The following LDLRAD4 variants were observed in gnomAD, a reference collection of about 807,000 sequenced individuals.
LDLRAD4 encodes the protein low-density lipoprotein receptor class A domain-containing protein 4.
A neutral mutation model predicts 17.0 loss-of-function variants in LDLRAD4; 5 were observed. The ratio of observed to expected loss-of-function variants is 0.29; its 90% CI spans 0.15 to 0.62. LDLRAD4 has a LOEUF of 0.62. Among genes scored for constraint, LDLRAD4 ranks in the 20% least tolerant of loss-of-function variants. LDLRAD4 has a pLI of 0.84. For missense variants in LDLRAD4, 340 were observed against 424.7 expected (o/e 0.80, Z 1.75); for synonymous variants, 168 against 171.8 (o/e 0.98, Z 0.17).
In LDLRAD4 at chr18:13,367,469, G is replaced by C. The variant is rs146119081; in HGVS notation, c.-382-19872G>C. Among the ~76,000 whole-genome samples the C allele has an allele frequency of 9.5e-3, 1,445 of 152,294 alleles. 14 individuals are homozygous for C. Among genetic ancestry groups the C allele is most frequent in the Non-Finnish European group, 0.016 (1,086 of 68,034 alleles). On this transcript the variant is annotated intron_variant, in intron 1 of 5. Coordinates refer to ENST00000359446, the Ensembl canonical transcript of LDLRAD4. The surrounding 1 kb of genome is among the most constrained non-coding windows in gnomAD (Gnocchi z 4.1). ...GAAAAGAGCCTGGCAGGTTTTGGAGGTGCACTGTATGCTCAGGAAGGATTC... is the reference window on the plus strand; with the variant it reads ...GAAAAGAGCCTGGCAGGTTTTGGAGCTGCACTGTATGCTCAGGAAGGATTC...
intron 3 of LDLRAD4, among the ~76,000 whole-genome samples, chr18:13,468,552 T>C (rs574197951): frequency 5.9e-5 from 9 of 152,212 alleles, no homozygotes; most frequent in Admixed American, 3.3e-4. Flanking sequence ...CATGCACATG[T>C]ATGTTTATTG....
intron 3 of LDLRAD4, among the ~76,000 whole-genome samples, chr18:13,497,424 C>T (rs1348898285): frequency 1.3e-5 from 2 of 152,100 alleles, no homozygotes; most frequent in African/African-American, 4.8e-5. Flanking sequence ...AGTGATCCTC[C>T]TGCCTCGGCC....
chr18:13,329,799 A>G (rs1373219974), intron 1 of LDLRAD4, among the ~76,000 whole-genome samples: 2 of 152,082 alleles, frequency 1.3e-5, no homozygotes, highest in Non-Finnish European at 2.9e-5. Context: ...TGCCTTTACC[A>G]TACACTGAAT....
chr18:13,230,666 G>A (rs2042025812), intron 1 of LDLRAD4, among the ~76,000 whole-genome samples: 1 of 152,140 alleles, frequency 6.6e-6, no homozygotes. Flanking sequence ...CTGCAGGTGG[G>A]GGAAGAGGTG....
At chr18:13,313,277 G>GA (rs1443228376) in intron 1 of LDLRAD4, among the ~76,000 whole-genome samples, 1 of 152,178 alleles carries the variant, frequency 6.6e-6, no homozygotes, top group Non-Finnish European at 1.5e-5. Context: ...GACCTGCTTG[G>GA]ATTAGGACGC....
chr18:13,623,246 C>A (rs1421383404), intron 4 of LDLRAD4, among the ~76,000 whole-genome samples: 1 of 152,264 alleles, frequency 6.6e-6, no homozygotes, highest in Non-Finnish European at 1.5e-5. Flanking sequence ...TCCCTGAAAT[C>A]AGGAAGGTGA....
chr18:13,452,838 T>A (rs769909704), intron 3 of LDLRAD4, among the ~76,000 whole-genome samples: 16 of 152,064 alleles, frequency 1.1e-4, no homozygotes, highest in Non-Finnish European at 1.6e-4. Flanking sequence ...CTCCTTAGGA[T>A]TAAGGAGGTC....
intron 1 of LDLRAD4, among the ~76,000 whole-genome samples, chr18:13,353,590 G>T (rs1177407195): frequency 1.3e-5 from 2 of 152,150 alleles, no homozygotes; most frequent in African/African-American, 4.8e-5. Flanking sequence ...AGCCTGAGAG[G>T]CAAGCTGTGG....
chr18:13,620,179 C>T (rs539050690), intron 3 of LDLRAD4, among the ~76,000 whole-genome samples: 29 of 152,168 alleles, frequency 1.9e-4, no homozygotes, highest in Admixed American at 6.5e-5. Flanking sequence ...AGATATGCCT[C>T]CCCACTGGCC....
At chr18:13,546,027 C>A (rs1363050079) in intron 3 of LDLRAD4, among the ~76,000 whole-genome samples, 1 of 152,208 alleles carries the variant, frequency 6.6e-6, no homozygotes. Context: ...TACCTTCCCC[C>A]TCTGGACCTA....
At chr18:13,473,678 T>TATATATATA (rs374731826) in intron 3 of LDLRAD4, among the ~76,000 whole-genome samples, 3 of 79,986 alleles carry the variant, frequency 3.8e-5, no homozygotes, top group African/African-American at 5.3e-5. Context: ...TATATATATA[T>TATATATATA]AACGTTTACA....
intron 3 of LDLRAD4, among the ~76,000 whole-genome samples, chr18:13,547,661 G>T (rs753561457): frequency 4.0e-4 from 61 of 152,228 alleles, no homozygotes; most frequent in Non-Finnish European, 7.5e-4. Context: ...GCTCCTTGCT[G>T]TGGCTGGACC....
chr18:13,226,798 A>C (rs1344419005), intron 1 of LDLRAD4, among the ~76,000 whole-genome samples: 1 of 152,202 alleles, frequency 6.6e-6, no homozygotes, highest in South Asian at 2.1e-4. Flanking sequence ...GGCAATAAAC[A>C]TTCTAATAAC....
chr18:13,544,781 C>T (rs916597640), intron 3 of LDLRAD4, among the ~76,000 whole-genome samples: 4 of 151,872 alleles, frequency 2.6e-5, no homozygotes, highest in Non-Finnish European at 2.9e-5. Flanking sequence ...TTTGCACAGA[C>T]CAAGGAGAGG....
intron 3 of LDLRAD4, among the ~76,000 whole-genome samples, chr18:13,530,608 C>T (rs1648607): frequency 0.31 from 46,626 of 152,118 alleles, 7,667 homozygotes; most frequent in Admixed American, 0.41. Flanking sequence ...GGGTGGGGTC[C>T]GCTGGCTCAG....
At chr18:13,373,504 T>G (rs2084675591) in intron 1 of LDLRAD4, among the ~76,000 whole-genome samples, 2 of 152,230 alleles carry the variant, frequency 1.3e-5, no homozygotes, top group African/African-American at 4.8e-5. Flanking sequence ...TTTCCTCTTT[T>G]GCATTTTTAG....
chr18:13,405,731 G>A (rs1011203032), intron 2 of LDLRAD4, among the ~76,000 whole-genome samples: 3 of 151,274 alleles, frequency 2.0e-5, no homozygotes, highest in Non-Finnish European at 4.4e-5. Context: ...ATGAGCCACC[G>A]TGCCGAGCCC....
chr18:13,284,326 T>A (rs1246054543), intron 1 of LDLRAD4, among the ~76,000 whole-genome samples: 1 of 152,112 alleles, frequency 6.6e-6, no homozygotes, highest in Non-Finnish European at 1.5e-5. Flanking sequence ...TCCGCCTGCT[T>A]GTTGGATTCT....
intron 1 of LDLRAD4, chr18:13,239,787 C>T (rs2042536555): frequency 6.6e-6 from 1 of 152,304 alleles, no homozygotes; most frequent in African/African-American, 2.4e-5. Flanking sequence ...AAACCTCCAG[C>T]TGTGGCCCGT....
Sources: allele counts gnomAD v4.1 joint callset (sites outside exome capture counted in the v4.1 genomes callset), GRCh38; gene constraint gnomAD v4.1.1; non-coding constraint Gnocchi (gnomAD v3.1); transcripts MANE v1.5; gene names NCBI Gene and HGNC (gene_info 2026-07-23, HGNC 2026-07-21).